The following ROR1 variants were observed in gnomAD, a reference collection of about 807,000 sequenced individuals.
ROR1 encodes the protein inactive tyrosine-protein kinase transmembrane receptor ROR1.
Under a neutral mutation model 78.8 loss-of-function variants are expected in ROR1, and 19 were observed. The ratio of observed to expected loss-of-function variants is 0.24; its 90% confidence interval spans 0.17 to 0.35. The LOEUF (loss-of-function observed/expected upper bound fraction) is 0.35. Ranked by LOEUF, ROR1 falls within the 10% of genes least tolerant of loss-of-function variation. The pLI, the probability that ROR1 is intolerant of heterozygous loss-of-function variation, is 1.00. For missense variants in ROR1, 917 were observed against 1,177.8 expected, an observed-to-expected ratio of 0.78 and a Z score of 3.24; for synonymous variants, 386 against 433.6, an observed-to-expected ratio of 0.89 and a Z score of 1.36.
At chr1:64,043,769 G>A (rs192359061) in intron 2 of ROR1, among the ~76,000 whole-genome samples, 1 of 152,244 alleles carries the variant, frequency 6.6e-6, no homozygotes, top group South Asian at 2.1e-4. Context: ...TGGCTCTGCC[G>A]CTTTCTGGCT....
chr1:63,803,657 A>T (rs1436195885), intron 1 of ROR1, among the ~76,000 whole-genome samples: 1 of 152,214 alleles, frequency 6.6e-6, no homozygotes, highest in African/African-American at 2.4e-5. Context: ...AAATATTTTT[A>T]AAAAAGGTTT....
chr1:63,780,792 T>C (rs142916030), intron 1 of ROR1, among the ~76,000 whole-genome samples: 24 of 152,298 alleles, frequency 1.6e-4, no homozygotes, highest in African/African-American at 5.5e-4. Flanking sequence ...AACAGCAAGC[T>C]CTTTGGGGAA....
chr1:64,159,664 T>A (rs1424585361), intron 8 of ROR1, among the ~76,000 whole-genome samples: 4 of 138,630 alleles, frequency 2.9e-5, no homozygotes, highest in Non-Finnish European at 6.5e-5. Context: ...ATAGTAAATT[T>A]TGTTGTGTTT....
At chr1:63,908,524 C>T (rs1451473882) in intron 1 of ROR1, among the ~76,000 whole-genome samples, 4 of 152,176 alleles carry the variant, frequency 2.6e-5, no homozygotes, top group Non-Finnish European at 5.9e-5. Context: ...TTAACCTCTT[C>T]GCTCCCCTGT....
At position 63,872,052 on chromosome 1, in the gene ROR1, A is replaced by G. The variant is rs181735052; in HGVS notation, c.91+97544A>G. On this transcript the variant is annotated intron_variant, in intron 1 of 8. Coordinates refer to ENST00000371079, the MANE Select transcript of ROR1 (RefSeq NM_005012.4). ...GCTAACCTGAAATGTAGCTTTGCAA[A>G]ATATTCTATTAAATAAACTTGGTGG... 2.5e-3 allele frequency among the ~76,000 whole-genome samples: 376 copies of G among 152,348 alleles called. 3 individuals carry two copies. Among genetic ancestry groups the G allele is most frequent in the African/African-American group, 8.7e-3 (360 of 41,574 alleles).
At chr1:63,834,621 T>G (rs1244376196) in intron 1 of ROR1, among the ~76,000 whole-genome samples, 1 of 152,206 alleles carries the variant, frequency 6.6e-6, no homozygotes, top group East Asian at 1.9e-4. Flanking sequence ...TTAAAATGGA[T>G]TTTTCCAAAA....
chr1:63,788,800 G>T (rs1467287990), intron 1 of ROR1: 1 of 602,930 alleles, frequency 1.7e-6, no homozygotes. Flanking sequence ...GCGCTTGCAT[G>T]CTTCCTTGGT....
At chr1:63,879,199 A>G (rs1645307800) in intron 1 of ROR1, among the ~76,000 whole-genome samples, 1 of 152,148 alleles carries the variant, frequency 6.6e-6, no homozygotes, top group Admixed American at 6.5e-5. Context: ...CTTGGTTCCT[A>G]TTATCTGCTG....
At chr1:63,804,371 T>C (rs956264001) in intron 1 of ROR1, among the ~76,000 whole-genome samples, 1 of 152,204 alleles carries the variant, frequency 6.6e-6, no homozygotes, top group Non-Finnish European at 1.5e-5. Flanking sequence ...ATTAGTGTTA[T>C]AGAAGATGTT....
At chr1:63,956,230 T>C (rs988983730) in intron 1 of ROR1, among the ~76,000 whole-genome samples, 5 of 152,182 alleles carry the variant, frequency 3.3e-5, no homozygotes, top group African/African-American at 1.2e-4. Flanking sequence ...AGTCCCTGTC[T>C]CTGAATACAT....
intron 1 of ROR1, among the ~76,000 whole-genome samples, chr1:63,808,628 AAGG>A (rs1251068236): frequency 6.6e-6 from 1 of 152,098 alleles, no homozygotes; most frequent in African/African-American, 2.4e-5. Flanking sequence ...TAAATTGAGA[AAGG>A]AGGTTTCCCA....
chr1:63,780,094 A>G (rs1394289673), intron 1 of ROR1, among the ~76,000 whole-genome samples: 1 of 152,190 alleles, frequency 6.6e-6, no homozygotes, highest in Admixed American at 6.5e-5. Flanking sequence ...GCTGTTATGA[A>G]ATACTGATAA....
intron 1 of ROR1, among the ~76,000 whole-genome samples, chr1:64,001,033 G>T (rs1414095008): frequency 6.6e-6 from 1 of 152,152 alleles, no homozygotes; most frequent in Non-Finnish European, 1.5e-5. Context: ...TAGCACAGAA[G>T]TCTATGCATG....
intron 1 of ROR1, among the ~76,000 whole-genome samples, chr1:63,999,697 T>G (rs1646367434): frequency 6.6e-6 from 1 of 152,144 alleles, no homozygotes; most frequent in South Asian, 2.1e-4. Context: ...GTTAGATGGA[T>G]GGATGGATGG....
chr1:63,787,460 T>TCCTG (rs1391087214), intron 1 of ROR1, among the ~76,000 whole-genome samples: 2 of 126,400 alleles, frequency 1.6e-5, no homozygotes, highest in African/African-American at 7.2e-5. Context: ...CTTCCTTCCT[T>TCCTG]CCTTCCTTCC....
chr1:64,085,820 C>T (rs552859054), intron 4 of ROR1, among the ~76,000 whole-genome samples: 1 of 152,048 alleles, frequency 6.6e-6, no homozygotes, highest in Non-Finnish European at 1.5e-5. Flanking sequence ...ACCATGTGCT[C>T]AGCAGCCTGC....
At chr1:64,065,469 T>G (rs1047529373) in intron 4 of ROR1, among the ~76,000 whole-genome samples, 5 of 152,142 alleles carry the variant, frequency 3.3e-5, no homozygotes, top group Non-Finnish European at 5.9e-5. Context: ...AGGGAAACAG[T>G]ACAGCAACAG....
At chr1:63,785,790 T>A (rs1052455602) in intron 1 of ROR1, among the ~76,000 whole-genome samples, 41 of 152,110 alleles carry the variant, frequency 2.7e-4, no homozygotes, top group African/African-American at 8.0e-4. Flanking sequence ...CTTCCCAAAG[T>A]GCTGGGATTA....
chr1:64,049,035 A>G (rs535699532), intron 2 of ROR1, among the ~76,000 whole-genome samples: 1 of 152,336 alleles, frequency 6.6e-6, no homozygotes, highest in South Asian at 2.1e-4. Context: ...ACAGTATTGT[A>G]TATGAATTAA....
Sources: gnomAD v4.1 joint callset for allele counts (sites outside exome capture counted in the v4.1 genomes callset) on GRCh38, gnomAD v4.1.1 for gene constraint, MANE v1.5 for transcripts, NCBI Gene and HGNC (gene_info 2026-07-23, HGNC 2026-07-21) for gene names.